Variants in PTGER3 observed in about 807,000 individuals in gnomAD.
The protein encoded by PTGER3 is prostaglandin E2 receptor EP3 subtype.
In PTGER3, 22 loss-of-function variants were observed where a neutral mutation model predicts 34.7. The ratio of observed to expected loss-of-function variants is 0.63; its 90% CI spans 0.45 to 0.91. The LOEUF (loss-of-function observed/expected upper bound fraction) is 0.91. PTGER3 is among the 40% of genes least tolerant of loss of function. PTGER3 has a pLI of 0.00. For missense variants in PTGER3, 468 were observed against 519.4 expected (o/e 0.90, Z 0.96); for synonymous variants, 241 against 230.1 (o/e 1.05, Z -0.43).
intron 2 of PTGER3, chr1:71,011,040 A>G: frequency 1.0e-6 from 1 of 985,714 alleles, no homozygotes; most frequent in Non-Finnish European, 1.2e-6. Flanking sequence ...AGAATATGGC[A>G]AGCTTTGTGT....
At chr1:70,975,364 CT>C (rs35070631) in intron 2 of PTGER3, among the ~76,000 whole-genome samples, 37,656 of 151,752 alleles carry the variant, frequency 0.25, 5,105 homozygotes, top group African/African-American at 0.34. Context: ...AAAACGATTC[CT>C]TTTTTTTATA....
intron 4 of PTGER3, among the ~76,000 whole-genome samples, chr1:70,926,522 A>T (rs1211514293): frequency 6.6e-6 from 1 of 152,120 alleles, no homozygotes; most frequent in African/African-American, 2.4e-5. Context: ...ATTTTTGTAC[A>T]TTGATTTTGT....
At chr1:71,023,700 G>A (rs540412069) in intron 1 of PTGER3, among the ~76,000 whole-genome samples, 2 of 151,860 alleles carry the variant, frequency 1.3e-5, no homozygotes, top group African/African-American at 4.9e-5. Flanking sequence ...AGAAACCTGG[G>A]AGTTACCCTT....
At chr1:71,026,144 T>G (rs1557754546) in intron 1 of PTGER3, among the ~76,000 whole-genome samples, 1 of 152,188 alleles carries the variant, frequency 6.6e-6, no homozygotes, top group Non-Finnish European at 1.5e-5. Context: ...TTATATTCAT[T>G]CATTTTCCTT....
At chr1:70,917,763 C>T (rs1183571816) in intron 4 of PTGER3, among the ~76,000 whole-genome samples, 1 of 151,890 alleles carries the variant, frequency 6.6e-6, no homozygotes, top group Non-Finnish European at 1.5e-5. Context: ...GTGGTGACAT[C>T]TCATTGTAGT....
chr1:71,038,440 C>T (rs1448757528), intron 1 of PTGER3, among the ~76,000 whole-genome samples: 2 of 152,112 alleles, frequency 1.3e-5, no homozygotes, highest in Non-Finnish European at 2.9e-5. Flanking sequence ...TATTGCACAA[C>T]TTTTGCCTAA....
At chr1:70,977,436 A>G (rs867066893) in intron 2 of PTGER3, among the ~76,000 whole-genome samples, 4 of 151,934 alleles carry the variant, frequency 2.6e-5, no homozygotes, top group Non-Finnish European at 5.9e-5. Context: ...GCTACTTTCC[A>G]TCATGTCATT....
chr1:70,979,262 C>T (rs1047108557), intron 2 of PTGER3, among the ~76,000 whole-genome samples: 1 of 150,450 alleles, frequency 6.6e-6, no homozygotes, highest in African/African-American at 2.5e-5. Context: ...TTTTTATATG[C>T]AATGTCTATA....
chr1:70,917,298 T>G (rs1393350849), intron 4 of PTGER3, among the ~76,000 whole-genome samples: 1 of 151,882 alleles, frequency 6.6e-6, no homozygotes, highest in African/African-American at 2.4e-5. Flanking sequence ...CTGTTTGTCT[T>G]TTTGTGCCTG....
Position 70,970,830 on chromosome 1 carries a change from TTC to T in PTGER3, c.*898_*899del. On this transcript the variant is annotated 3_prime_UTR_variant, in exon 4 of 4. Coordinates refer to ENST00000306666, the MANE Select transcript of PTGER3 (RefSeq NM_198719.2). Reference sequence around the variant, plus strand: ...TTTATTTTAATACAGACAAAATAGATTCTTTTATTTTATAAAAACGTAATAAA... The same window carrying T: ...TTTATTTTAATACAGACAAAATAGATTTTTATTTTATAAAAACGTAATAAA... 1.1e-6 allele frequency: 1 copy of T among 902,090 alleles called. No individual in the cohort carries two copies. The highest frequency in any genetic ancestry group is 1.3e-6 in the Non-Finnish European group (1 of 754,062). 55.9% of individuals were successfully genotyped at this position (902,090 alleles called of 1,614,324 possible).
chr1:70,995,822 T>A (rs1270447358), intron 2 of PTGER3, among the ~76,000 whole-genome samples: 1 of 152,186 alleles, frequency 6.6e-6, no homozygotes, highest in Non-Finnish European at 1.5e-5. Flanking sequence ...ATATAACTCC[T>A]AAATATAGTT....
intron 2 of PTGER3, chr1:71,010,263 G>C (rs1657325726): frequency 1.0e-6 from 1 of 983,886 alleles, no homozygotes; most frequent in East Asian, 1.1e-4. Context: ...ACAGCAGTAT[G>C]ACACTACACC....
intron 4 of PTGER3, chr1:70,862,436 A>T (rs932720290): frequency 1.6e-6 from 2 of 1,262,020 alleles, no homozygotes; most frequent in Non-Finnish European, 1.1e-6. Flanking sequence ...GTGCTGAAAA[A>T]GTCCTGCTTT....
rs148653728 is a variant in PTGER3, at chr1:70,937,278, G to A, written c.*23+16485C>T. On this transcript the variant is annotated intron_variant, in intron 4 of 4. Transcript: ENST00000370931. ...TAAGCTGATGTGGTTTTTATTTTGT[G>A]TTGCCAAACATGTTTATAATCCAGT... is the stretch of plus-strand genomic sequence containing the variant. Among the ~76,000 whole-genome samples, 495 of 152,242 alleles carry A rather than the reference G, an allele frequency of 3.3e-3. 4 individuals carry two copies. The highest frequency in any genetic ancestry group is 0.011 in the African/African-American group (471 of 41,550).
exon 4 of PTGER3, chr1:70,952,717 C>A (rs182299038): frequency 1.5e-5 from 19 of 1,244,054 alleles, no homozygotes; most frequent in Non-Finnish European, 1.9e-5. Context: ...AGTGACCAAC[C>A]AGTTTGTTCA....
intron 4 of PTGER3, among the ~76,000 whole-genome samples, chr1:70,905,676 A>G (rs1467906355): frequency 6.6e-6 from 1 of 151,834 alleles, no homozygotes; most frequent in Non-Finnish European, 1.5e-5. Context: ...CTGTACCCTC[A>G]TTGTATCTAG....
chr1:70,975,047 C>T (rs1354754487), intron 2 of PTGER3, among the ~76,000 whole-genome samples: 2 of 152,252 alleles, frequency 1.3e-5, no homozygotes, highest in South Asian at 2.1e-4. Context: ...GGACTGGTGC[C>T]TCACTATATG....
At chr1:70,947,601 A>C (rs920800940), downstream of PTGER3, 10 of 152,154 alleles carry the variant, frequency 6.6e-5, no homozygotes, top group African/African-American at 2.4e-4. Flanking sequence ...CTGAAAGTAA[A>C]GGAGAACTCC....
intron 1 of PTGER3, among the ~76,000 whole-genome samples, chr1:71,016,347 A>T (rs911629182): frequency 6.6e-5 from 10 of 152,220 alleles, no homozygotes; most frequent in African/African-American, 2.4e-4. Flanking sequence ...ATAATTCACA[A>T]ATAGTATATA....
Sources: gnomAD v4.1 joint callset for allele counts (sites outside exome capture counted in the v4.1 genomes callset) on GRCh38, gnomAD v4.1.1 for gene constraint, MANE v1.5 for transcripts, NCBI Gene and HGNC (gene_info 2026-07-23, HGNC 2026-07-21) for gene names.